TMEM232: variants seen among roughly 807,000 people sequenced by gnomAD.
TMEM232 encodes the protein transmembrane protein 232.
A neutral mutation model predicts 78.8 loss-of-function variants in TMEM232; 80 were observed. That is an observed-to-expected ratio of 1.01 (90% CI 0.85 to 1.22). The LOEUF is 1.22. Ranked by LOEUF, TMEM232 falls within the 50% of genes most tolerant of loss-of-function variation. The pLI, the probability that TMEM232 is intolerant of heterozygous loss-of-function variation, is 0.00. For missense variants in TMEM232, 881 were observed against 742.2 expected (o/e 1.19, Z -2.17); for synonymous variants, 297 against 254.3 (o/e 1.17, Z -1.60).
intron 2 of TMEM232, among the ~76,000 whole-genome samples, chr5:110,664,090 C>T (rs114405281): frequency 0.015 from 2,237 of 152,020 alleles, 56 homozygotes; most frequent in African/African-American, 0.052. Context: ...CAGTGAGCTA[C>T]GATTGTGCCA....
chr5:110,514,243 C>G (rs910768744), intron 12 of TMEM232, among the ~76,000 whole-genome samples: 6 of 151,948 alleles, frequency 3.9e-5, no homozygotes, highest in Admixed American at 1.3e-4. Flanking sequence ...AATTAAATAA[C>G]TAGAAGCAGG....
intron 10 of TMEM232, among the ~76,000 whole-genome samples, chr5:110,597,941 A>G (rs1780383782): frequency 6.6e-6 from 1 of 152,328 alleles, no homozygotes; most frequent in East Asian, 1.9e-4. Context: ...ACCATTCAGG[A>G]CATAGGCATG....
chr5:110,462,644 T>A (rs1761658241), intron 12 of TMEM232, among the ~76,000 whole-genome samples: 1 of 152,212 alleles, frequency 6.6e-6, no homozygotes, highest in Non-Finnish European at 1.5e-5. Context: ...TTGGGGACTT[T>A]GACTGGCTTC....
chr5:110,418,362 C>T (rs1238840531), downstream of TMEM232, among the ~76,000 whole-genome samples: 1 of 111,010 alleles, frequency 9.0e-6, no homozygotes, highest in Non-Finnish European at 1.9e-5. Flanking sequence ...TGGCAGAAGG[C>T]GTAACTAGAG....
At chr5:110,455,232 T>C (rs1760768770) in intron 12 of TMEM232, among the ~76,000 whole-genome samples, 1 of 152,154 alleles carries the variant, frequency 6.6e-6, no homozygotes, top group Non-Finnish European at 1.5e-5. Flanking sequence ...TTAAGAAAGA[T>C]ATAATGCCAA....
intron 4 of TMEM232, among the ~76,000 whole-genome samples, chr5:110,640,352 C>T (rs1448926366): frequency 2.0e-5 from 3 of 151,894 alleles, no homozygotes; most frequent in African/African-American, 4.8e-5. Context: ...CATATATATA[C>T]AATTAAATGA....
In TMEM232 at chr5:110,640,997, C is replaced by G; in HGVS notation, c.238-1G>C. 3.3e-6 allele frequency: 5 copies of G among 1,520,052 alleles called. No individual in the cohort carries two copies. Among genetic ancestry groups the G allele is most frequent in the Non-Finnish European group, 4.4e-6 (5 of 1,132,304 alleles). 94.2% of individuals were successfully genotyped at this position (1,520,052 alleles called of 1,614,324 possible). A position where few individuals can be genotyped will look rare whatever the true frequency, so the allele number is the denominator to read the frequency against. On this transcript the variant is annotated splice_acceptor_variant, in intron 3 of 13. Transcript: ENST00000455884. LOFTEE classifies it high-confidence loss of function. The stretch of plus-strand genomic sequence containing the variant: ...CCAGGGTTTTGAGACCCAATTTTCT[C>G]TGTTATGAGGAAGCATGAAAAAGAC...
intron 12 of TMEM232, among the ~76,000 whole-genome samples, chr5:110,515,453 T>G (rs1768470877): frequency 6.7e-6 from 1 of 150,206 alleles, no homozygotes; most frequent in Non-Finnish European, 1.5e-5. Flanking sequence ...TCATGATGGT[T>G]TGATAACTGA....
intron 12 of TMEM232, among the ~76,000 whole-genome samples, chr5:110,485,586 C>T (rs1026006216): frequency 2.6e-5 from 4 of 152,144 alleles, no homozygotes; most frequent in Non-Finnish European, 5.9e-5. Flanking sequence ...TGAGTTGCTT[C>T]ACTTAGAATA....
At chr5:110,390,675 T>C (rs566456016) in intron 3 of TMEM232, 2 of 152,316 alleles carry the variant, frequency 1.3e-5, no homozygotes, top group South Asian at 2.1e-4. Context: ...TAAGAATCCA[T>C]TGAATATCAG....
intron 7 of TMEM232, among the ~76,000 whole-genome samples, chr5:110,619,530 G>T (rs922460991): frequency 1.3e-5 from 2 of 152,078 alleles, no homozygotes; most frequent in Admixed American, 1.3e-4. Flanking sequence ...ACTGATTCTG[G>T]GGAACAATAA....
In TMEM232 at chr5:110,513,754, G is replaced by A. The variant is rs530446311; in HGVS notation, c.1703+14834C>T. On this transcript the variant is annotated intron_variant, in intron 12 of 13. Coordinates refer to ENST00000455884, the MANE Select transcript of TMEM232 (RefSeq NM_001039763.4). ...ACATTATTGGTGAAAATGTAACTTG[G>A]TATGTCTACTATGAAAAATAGTATG... 28 of 164,582 alleles carry A rather than the reference G, an allele frequency of 1.7e-4. No homozygotes were observed. In the South Asian group the frequency reaches 5.8e-3, roughly 34 times the overall value. The allele number at this position is 164,582 out of a possible 1,614,324, so 10.2% of individuals were successfully genotyped here.
At chr5:110,428,307 C>G (rs369548350) in intron 12 of TMEM232, among the ~76,000 whole-genome samples, 5 of 151,840 alleles carry the variant, frequency 3.3e-5, no homozygotes, top group Non-Finnish European at 7.4e-5. Context: ...TTAGACAGGC[C>G]TCTGACCTCA....
chr5:110,625,522 A>T, intron 6 of TMEM232, 89 bp from the exon 7 acceptor site: 5 of 1,217,288 alleles, frequency 4.1e-6, no homozygotes, highest in Non-Finnish European at 5.4e-6. Flanking sequence ...ACTATAATTA[A>T]ATTCAGTACT....
chr5:110,536,738 G>A (rs1031484398), intron 11 of TMEM232, among the ~76,000 whole-genome samples: 1 of 152,212 alleles, frequency 6.6e-6, no homozygotes, highest in Non-Finnish European at 1.5e-5. Context: ...TTTAAAAAGA[G>A]GGATGGGATG....
intron 12 of TMEM232, 26 bp downstream of exon 12, chr5:110,528,562 A>C: frequency 2.7e-6 from 4 of 1,503,060 alleles, no homozygotes; most frequent in Non-Finnish European, 3.5e-6. Flanking sequence ...TATTAGAACA[A>C]TAAAACCGAT....
At chr5:110,679,428 T>A (rs1792436910) in intron 1 of TMEM232, among the ~76,000 whole-genome samples, 1 of 152,232 alleles carries the variant, frequency 6.6e-6, no homozygotes, top group Non-Finnish European at 1.5e-5. Flanking sequence ...GAATAACATC[T>A]TTTATCGAAT....
At position 110,667,272 on chromosome 5, in the gene TMEM232, T is replaced by C; in HGVS notation, c.81A>G (p.Lys27=). ...CTCCACTTAAATGTTGAAAATTTAA[T>C]TTCCAGAGCTCTTCATGATAAGGGG... ...ISSPYHEELW[K]LNFQHLSGER... Residue 27 remains lysine, a synonymous_variant, in exon 2 of 14, where the codon AAA becomes AAG. Coordinates refer to ENST00000455884, the MANE Select transcript of TMEM232 (RefSeq NM_001039763.4). 1.3e-6 allele frequency: 2 copies of C among 1,547,134 alleles called. No homozygotes were observed. Among genetic ancestry groups the C allele is most frequent in the Non-Finnish European group, 1.7e-6 (2 of 1,144,428 alleles).
chr5:110,528,665 T>G lies in TMEM232; in HGVS notation c.1626A>C (p.Ser542=). 6.5e-7 allele frequency: 1 copy of G among 1,535,192 alleles called. No individual in the cohort carries two copies. Among genetic ancestry groups the G allele is most frequent in the East Asian group, 2.5e-5 (1 of 40,780 alleles). ...GATATTTTGTTTGATCCTTTTTTAT[T>G]GATGGTTTCTTCAAAGGAAGAAAAT... The part of the protein sequence containing the change: ...EAHFLPLKKP[S]IKKDQTKYPN... The change falls in exon 12 of 14, where the codon TCA becomes TCC. Residue 542 remains serine (S), a synonymous_variant. Coordinates refer to ENST00000455884, the MANE Select transcript of TMEM232 (RefSeq NM_001039763.4).
Sources: gnomAD v4.1 joint callset for allele counts (sites outside exome capture counted in the v4.1 genomes callset) on GRCh38, gnomAD v4.1.1 for gene constraint, MANE v1.5 for transcripts, NCBI Gene and HGNC (gene_info 2026-07-23, HGNC 2026-07-21) for gene names.